KATNB1: variants seen among roughly 807,000 people sequenced by gnomAD.
The protein encoded by KATNB1 is katanin regulatory subunit B1, also known as katanin p80 WD40 repeat-containing subunit B1.
A neutral mutation model predicts 82.3 loss-of-function variants in KATNB1; 38 were observed. That is an observed-to-expected ratio of 0.46 (90% CI 0.36 to 0.61). The LOEUF is 0.61. KATNB1 is among the 20% of genes least tolerant of loss of function. KATNB1 has a pLI of 0.00. For missense variants in KATNB1, 749 were observed against 915.7 expected (o/e 0.82, Z 2.35); for synonymous variants, 361 against 368.7 (o/e 0.98, Z 0.24).
chr16:57,749,683 T>A (rs2049210181), intron 4 of KATNB1, among the ~76,000 whole-genome samples: 2 of 152,240 alleles, frequency 1.3e-5, no homozygotes, highest in Middle Eastern at 3.4e-3. Context: ...CAAATCTGAG[T>A]GGTACTGGAG....
At chr16:57,755,528 GC>G in intron 16 of KATNB1, 34 bp downstream of exon 16, 1 of 1,593,522 alleles carries the variant, frequency 6.3e-7, no homozygotes, top group South Asian at 1.1e-5. Context: ...GCCTCATCTC[GC>G]CCCCCTGCCC....
At chr16:57,736,658 C>G (rs1392630441) in intron 1 of KATNB1, 1 of 212,738 alleles carries the variant, frequency 4.7e-6, no homozygotes, top group Non-Finnish European at 9.8e-6. Context: ...AACAACGACT[C>G]GCAGGAAATC....
intron 3 of KATNB1, among the ~76,000 whole-genome samples, chr16:57,743,517 T>G (rs989222885): frequency 2.0e-5 from 3 of 152,194 alleles, no homozygotes; most frequent in Admixed American, 6.5e-5. Flanking sequence ...CATACACAAG[T>G]TGAAAAAGCA....
At chr16:57,738,769 A>G (rs2049121933) in intron 2 of KATNB1, among the ~76,000 whole-genome samples, 1 of 152,216 alleles carries the variant, frequency 6.6e-6, no homozygotes, top group South Asian at 2.1e-4. Flanking sequence ...TTACGTATTC[A>G]TCCCTTCGAC....
chr16:57,742,389 A>G (rs555865771), intron 3 of KATNB1, among the ~76,000 whole-genome samples: 2 of 152,374 alleles, frequency 1.3e-5, no homozygotes, highest in Non-Finnish European at 2.9e-5. Flanking sequence ...ACACAAAATT[A>G]ACTACATATA....
intron 18 of KATNB1, 106 bp from the exon 19 acceptor site, chr16:57,756,250 G>GTGTGTC: frequency 1.8e-6 from 2 of 1,138,750 alleles, no homozygotes; most frequent in Non-Finnish European, 2.6e-6. Flanking sequence ...GTATGTGTGG[G>GTGTGTC]TGTGTCTGTG....
At chr16:57,741,901 G>A in intron 3 of KATNB1, 84 bp downstream of exon 3, 2 of 1,466,554 alleles carry the variant, frequency 1.4e-6, no homozygotes, top group East Asian at 2.4e-5. Flanking sequence ...AGAGTGAGCA[G>A]CTTCTCAGAC....
rs781977397 is a variant in KATNB1, at chr16:57,751,228, G to C, written c.391-33G>C. The C allele has an allele frequency of 1.2e-6, 2 of 1,611,138 alleles. No homozygotes were observed. The highest frequency in any genetic ancestry group is 3.3e-5 in the Admixed American group (2 of 59,980). ...TCCAGTCGTGGCTCTGACCTCTCCT[G>C]ACTCTGCCCCTCTGCTTCTCTCTCC... On this transcript the variant is annotated intron_variant, in intron 5 of 19. Coordinates refer to ENST00000379661, the MANE Select transcript of KATNB1 (RefSeq NM_005886.3). This position sits in a 1 kb window ranked among gnomAD's most constrained non-coding sequence, Gnocchi z 6.3.
chr16:57,756,195 C>T, intron 18 of KATNB1, 129 bp downstream of exon 18: 1 of 1,197,712 alleles, frequency 8.3e-7, no homozygotes. Context: ...GCATTGCTGC[C>T]CCTCAACAGT....
intron 4 of KATNB1, among the ~76,000 whole-genome samples, chr16:57,749,142 G>C (rs567067079): frequency 1.5e-4 from 23 of 152,378 alleles, no homozygotes; most frequent in Admixed American, 1.3e-3. Context: ...GCCTGGGGAG[G>C]AGGAGAGAAG....
Position 57,755,503 on chromosome 16 carries a change from C to T in KATNB1, c.1566+9C>T, listed in dbSNP as rs781941227. On this transcript the variant is annotated intron_variant, in intron 16 of 19. Coordinates refer to ENST00000379661, the MANE Select transcript of KATNB1 (RefSeq NM_005886.3). ...CCATGGGCGACATCAAGGCAAGTGC[C>T]CACCCTTGCACAGGGCCTCATCTCG... 4 of 1,611,298 alleles carry T rather than the reference C, an allele frequency of 2.5e-6. No individual in the cohort carries two copies. The highest frequency in any genetic ancestry group is 1.7e-5 in the Admixed American group (1 of 59,980).
In KATNB1 at chr16:57,755,904, G is replaced by A. The variant is rs781794269; in HGVS notation, c.1630G>A (p.Val544Ile). The A allele has an allele frequency of 3.2e-5, 51 of 1,598,628 alleles. No individual in the cohort carries two copies. Among genetic ancestry groups the A allele is most frequent in the East Asian group, 6.7e-5 (3 of 44,454 alleles). ...GGTGGTGGTGGACCTCCTGAACATC[G>A]TCAACCAGAAAGCGTAAGTGGCTGC... is the stretch of plus-strand genomic sequence containing the variant. ...LSVVVDLLNIVNQKASLWKLD... is the reference protein window; with the variant it reads ...LSVVVDLLNIINQKASLWKLD... Residue 544 changes from valine to isoleucine, a missense_variant, in exon 17 of 20, where the codon GTC becomes ATC. Around this residue, in one of 3 missense-constraint regions of KATNB1, gnomAD observed 407 missense variants for 434.7 expected, o/e 0.94. Transcript: ENST00000379661.
chr16:57,751,637 T>G lies in KATNB1; in HGVS notation c.433-4T>G, dbSNP rs1555583127. On this transcript the variant is annotated splice_region_variant and splice_polypyrimidine_tract_variant and intron_variant, in intron 6 of 19. Transcript: ENST00000379661. The surrounding 1 kb of genome is among the most constrained non-coding windows in gnomAD (Gnocchi z 6.3). Reference sequence around the variant, plus strand: ...GGGTGAGCTCATGCCGTGTCCTCCCTCAGGGGCACAGCCAGGCCGTGCGGT... The same window carrying G: ...GGGTGAGCTCATGCCGTGTCCTCCCGCAGGGGCACAGCCAGGCCGTGCGGT... 2 of 1,610,744 alleles carry G rather than the reference T, an allele frequency of 1.2e-6. No homozygotes were observed. Among genetic ancestry groups the G allele is most frequent in the Non-Finnish European group, 1.7e-6 (2 of 1,179,924 alleles).
rs2049228036 is a variant in KATNB1 at position 57,751,547 on chromosome 16, G to C, written c.433-94G>C. On this transcript the variant is annotated intron_variant, in intron 6 of 19. Coordinates refer to ENST00000379661, the MANE Select transcript of KATNB1 (RefSeq NM_005886.3). This position sits in a 1 kb window ranked among gnomAD's most constrained non-coding sequence, Gnocchi z 6.3. ...CAGAACCAGGCGGGTAACCAGTGTT[G>C]TTAGATGGAAGGGGTCCCATAGGAG... The C allele has an allele frequency of 1.6e-6, 2 of 1,220,144 alleles. No homozygotes were observed. The highest frequency in any genetic ancestry group is 1.7e-5 in the Admixed American group (1 of 59,042). The allele number at this position is 1,220,144 out of a possible 1,614,324, so 75.6% of individuals were successfully genotyped here.
chr16:57,755,996 C>A lies in KATNB1; in HGVS notation c.1648C>A (p.Leu550Met). The A allele has an allele frequency of 6.2e-7, 1 of 1,613,282 alleles. No homozygotes were observed. Among genetic ancestry groups the A allele is most frequent in the African/African-American group, 1.3e-5 (1 of 75,066 alleles). Residue 550 changes from leucine (L) to methionine (M), a missense_variant, in exon 18 of 20, where the codon CTG (leucine) becomes ATG (methionine). Around this residue, in one of 3 missense-constraint regions of KATNB1, gnomAD observed 407 missense variants for 434.7 expected, o/e 0.94. Transcript: ENST00000379661. ...LLNIVNQKAS[L>M]WKLDLCTTVL... ...GCATGTCCTGGCCTCTCCTAGCTCC[C>A]TGTGGAAGCTGGACCTGTGCACCAC...
intron 4 of KATNB1, among the ~76,000 whole-genome samples, chr16:57,747,637 T>G (rs1405397715): frequency 3.3e-5 from 5 of 152,156 alleles, no homozygotes; most frequent in Non-Finnish European, 7.3e-5. Context: ...GTCGCTGAAC[T>G]CAAGCGGGCC....
At chr16:57,745,563 C>A (rs1434998968) in intron 4 of KATNB1, among the ~76,000 whole-genome samples, 39 of 135,282 alleles carry the variant, frequency 2.9e-4, no homozygotes, top group African/African-American at 3.1e-4. Context: ...AACTCCATCT[C>A]AAAAAAAAAA....
intron 1 of KATNB1, chr16:57,736,734 A>G: frequency 3.5e-6 from 1 of 286,110 alleles, no homozygotes; most frequent in South Asian, 3.2e-5. Context: ...GGCAGCCAGC[A>G]TCCCGGAACA....
At position 57,744,524 on chromosome 16, in the gene KATNB1, G is replaced by C. The variant is rs2049168367; in HGVS notation, c.289+13G>C. 1.9e-6 allele frequency: 3 copies of C among 1,598,860 alleles called. No individual in the cohort carries two copies. The African/African-American group carries it at 4.0e-5, about 21-fold the overall frequency. ...GAAGCTGCCAAAAGTAGGCCTCCGA[G>C]CTTGCCTCCTGTGCACGCACACCTG... is the stretch of plus-strand genomic sequence containing the variant. On this transcript the variant is annotated intron_variant, in intron 4 of 19. Transcript: ENST00000379661.
Sources: gnomAD v4.1 joint callset for allele counts (sites outside exome capture counted in the v4.1 genomes callset) on GRCh38, gnomAD v4.1.1 for gene constraint, gnomAD v4.1.1 regional missense constraint, Gnocchi (gnomAD v3.1) non-coding constraint, MANE v1.5 for transcripts, NCBI Gene and HGNC (gene_info 2026-07-23, HGNC 2026-07-21) for gene names.